The following EIF2AK4 variants were observed in gnomAD, a reference collection of about 807,000 sequenced individuals.
EIF2AK4 encodes the protein eIF-2-alpha kinase GCN2.
In EIF2AK4, 139 loss-of-function variants were observed where a neutral mutation model predicts 211.1. That is an observed-to-expected ratio of 0.66 (90% CI 0.57 to 0.76). The LOEUF (loss-of-function observed/expected upper bound fraction) is 0.76, where lower values mean the gene tolerates loss of function less well. Ranked by LOEUF, EIF2AK4 falls within the 30% of genes least tolerant of loss-of-function variation. The pLI is 0.00. For missense variants in EIF2AK4, 1,664 were observed against 2,043.8 expected, an observed-to-expected ratio of 0.81 and a Z score of 3.58; for synonymous variants, 710 against 751.3, an observed-to-expected ratio of 0.94 and a Z score of 0.90.
intron 32 of EIF2AK4, among the ~76,000 whole-genome samples, chr15:40,025,647 T>TA (rs200590056): frequency 5.2e-4 from 76 of 146,626 alleles, no homozygotes; most frequent in Middle Eastern, 3.5e-3. Context: ...ATCTTGGCCT[T>TA]AAAAAAAAAA....
chr15:40,005,149 C>T (rs1042629391), intron 23 of EIF2AK4, among the ~76,000 whole-genome samples: 4 of 152,152 alleles, frequency 2.6e-5, no homozygotes, highest in Non-Finnish European at 4.4e-5. Flanking sequence ...TAGGCAAATG[C>T]TCTGTCATTT....
intron 15 of EIF2AK4, 42 bp from the exon 16 acceptor site, chr15:39,990,231 G>A: frequency 6.3e-7 from 1 of 1,584,554 alleles, no homozygotes; most frequent in East Asian, 2.2e-5. Flanking sequence ...ATAACTTTAT[G>A]CATGGAAAAC....
chr15:40,003,092 C>A, intron 22 of EIF2AK4, 101 bp from the exon 23 acceptor site: 1 of 1,499,980 alleles, frequency 6.7e-7, no homozygotes, highest in Non-Finnish European at 9.0e-7. Flanking sequence ...TTCAATGGTC[C>A]CAGTAGCAAT....
At chr15:39,982,598 GC>G (rs2034806997) in intron 13 of EIF2AK4, among the ~76,000 whole-genome samples, 1 of 148,860 alleles carries the variant, frequency 6.7e-6, no homozygotes, top group African/African-American at 2.5e-5. Flanking sequence ...TGCAGAACAT[GC>G]AGTTTTGTTA....
chr15:39,951,885 C>T (rs1441143450), intron 4 of EIF2AK4, among the ~76,000 whole-genome samples: 1 of 152,212 alleles, frequency 6.6e-6, no homozygotes, highest in East Asian at 1.9e-4. Flanking sequence ...GCTGCAAACG[C>T]AATTCTCAAG....
chr15:39,960,118 C>T (rs547372777), intron 6 of EIF2AK4, among the ~76,000 whole-genome samples: 3 of 148,308 alleles, frequency 2.0e-5, no homozygotes, highest in East Asian at 4.0e-4. Context: ...GAGCCAAGAT[C>T]GCGCCACTGC....
rs2035316634 is a variant in EIF2AK4 at position 40,017,344 on chromosome 15, A to G, written c.4065+102A>G. ...CTAACACCAAAAATTTGAACCAGTA[A>G]TATCATTGGATACTTCTATTAATAT... is the stretch of plus-strand genomic sequence containing the variant. On this transcript the variant is annotated intron_variant, in intron 29 of 38. Coordinates refer to ENST00000263791, the MANE Select transcript of EIF2AK4 (RefSeq NM_001013703.4). 2.4e-6 allele frequency: 3 copies of G among 1,271,522 alleles called. No homozygotes were observed. In the East Asian group the frequency reaches 7.4e-5, roughly 32 times the overall value. 78.8% of individuals were successfully genotyped at this position (1,271,522 alleles called of 1,614,324 possible). A position where few individuals can be genotyped will look rare whatever the true frequency, so the allele number is the denominator to read the frequency against.
At chr15:39,964,826 A>C (rs1161417005) in intron 7 of EIF2AK4, among the ~76,000 whole-genome samples, 1 of 152,216 alleles carries the variant, frequency 6.6e-6, no homozygotes, top group African/African-American at 2.4e-5. Context: ...TTCTAGCTTC[A>C]AATCTAAACT....
intron 30 of EIF2AK4, 56 bp from the exon 31 acceptor site, chr15:40,020,843 A>C (rs1212083884): frequency 1.3e-6 from 2 of 1,485,406 alleles, no homozygotes; most frequent in Non-Finnish European, 1.8e-6. Flanking sequence ...TGCTGGTTTC[A>C]CTTCCATGCC....
chr15:40,021,127 T>C, intron 31 of EIF2AK4, 100 bp downstream of exon 31: 1 of 1,337,286 alleles, frequency 7.5e-7, no homozygotes, highest in Non-Finnish European at 9.9e-7. Flanking sequence ...TGTTTATCTC[T>C]GTAATTCGAG....
chr15:39,950,053 A>G (rs2034285440), intron 4 of EIF2AK4, among the ~76,000 whole-genome samples: 1 of 151,920 alleles, frequency 6.6e-6, no homozygotes, highest in East Asian at 1.9e-4. Flanking sequence ...TCTATTTAGC[A>G]CTTTAATCAA....
In EIF2AK4 at chr15:39,967,657, A is replaced by G. The variant is rs1203740787; in HGVS notation, c.1331A>G (p.Tyr444Cys). The G allele has an allele frequency of 7.4e-6, 12 of 1,614,116 alleles. No individual in the cohort carries two copies. The highest frequency in any genetic ancestry group is 8.5e-6 in the Non-Finnish European group (10 of 1,180,046). ...DAEGTVKITD[Y>C]SISKRLADIC... ...GAAGGCACCGTCAAGATTACGGACT[A>G]TAGCATTTCTAAGCGCCTCGCAGAC... The change falls in exon 9 of 39, where the codon TAT (tyrosine) becomes TGT (cysteine). Residue 444 changes from tyrosine to cysteine, a missense_variant. Tyr to Cys is a radical substitution (Grantham distance 194). Around this residue, in one of 7 missense-constraint regions of EIF2AK4, gnomAD observed 641 missense variants for 729.6 expected, o/e 0.88. Coordinates refer to ENST00000263791, the MANE Select transcript of EIF2AK4 (RefSeq NM_001013703.4).
At chr15:39,948,103 G>T (rs1185174263) in intron 3 of EIF2AK4, among the ~76,000 whole-genome samples, 1 of 152,174 alleles carries the variant, frequency 6.6e-6, no homozygotes, top group African/African-American at 2.4e-5. Flanking sequence ...AGCTTCTGGT[G>T]TAAGAAAAAA....
chr15:39,947,276 A>G (rs2917836), intron 3 of EIF2AK4, among the ~76,000 whole-genome samples: 100,246 of 152,090 alleles, frequency 0.66, 34,780 homozygotes, highest in East Asian at 0.99. Context: ...GTACTAAAGC[A>G]TGGCATAGGG....
chr15:40,029,495 T>G (rs1452883020), intron 34 of EIF2AK4, 31 bp downstream of exon 34: 1 of 1,604,368 alleles, frequency 6.2e-7, no homozygotes, highest in African/African-American at 1.3e-5. Flanking sequence ...CTGAACATAA[T>G]GATGCTTATA....
chr15:40,027,754 G>A (rs1300789446), intron 33 of EIF2AK4, among the ~76,000 whole-genome samples: 2 of 152,102 alleles, frequency 1.3e-5, no homozygotes, highest in Non-Finnish European at 2.9e-5. Flanking sequence ...AGCGGGGCAT[G>A]GTGGCGGGCA....
intron 20 of EIF2AK4, 125 bp from the exon 21 acceptor site, chr15:40,000,863 A>G (rs2035080362): frequency 6.6e-6 from 6 of 904,282 alleles, no homozygotes; most frequent in African/African-American, 3.3e-5. Flanking sequence ...AAATTTCAGA[A>G]TGTCAGTTAA....
At chr15:39,965,640 A>G in intron 7 of EIF2AK4, 46 bp from the exon 8 acceptor site, 1 of 1,602,806 alleles carries the variant, frequency 6.2e-7, no homozygotes, top group African/African-American at 1.3e-5. Context: ...CCCCCAAGAG[A>G]AAACATACCA....
chr15:39,962,031 C>T, intron 7 of EIF2AK4, 132 bp downstream of exon 7: 1 of 602,272 alleles, frequency 1.7e-6, no homozygotes, highest in East Asian at 2.9e-5. Flanking sequence ...GGTAGTCATT[C>T]TGGCTCCCAT....
Sources: gnomAD v4.1 joint callset for allele counts (sites outside exome capture counted in the v4.1 genomes callset) on GRCh38, gnomAD v4.1.1 for gene constraint, gnomAD v4.1.1 regional missense constraint, MANE v1.5 for transcripts, NCBI Gene and HGNC (gene_info 2026-07-23, HGNC 2026-07-21) for gene names.